Variants in SMYD1 observed in about 807,000 individuals in gnomAD.
SMYD1 encodes histone-lysine N-methyltransferase SMYD1.
SMYD1 carries 49 observed loss-of-function variants against 54.0 expected under a neutral mutation model. The observed-to-expected ratio is 0.91, with a 90% CI of 0.72 to 1.15. The LOEUF is 1.15. SMYD1 is among the 50% of genes most tolerant of loss of function. The probability of loss-of-function intolerance (pLI) is 0.00; values close to 1 mark genes in which losing one functional copy is unlikely to be tolerated. For missense variants in SMYD1, 653 were observed against 639.6 expected (o/e 1.02, Z -0.23); for synonymous variants, 269 against 234.2 (o/e 1.15, Z -1.36).
chr2:88,105,162 G>A (rs1346979383), intron 7 of SMYD1, among the ~76,000 whole-genome samples: 2 of 152,156 alleles, frequency 1.3e-5, no homozygotes, highest in Admixed American at 6.6e-5. Context: ...ACAGTGAGTG[G>A]AGAATCACAG....
At chr2:88,070,130 T>C (rs200283374) in intron 1 of SMYD1, among the ~76,000 whole-genome samples, 1 of 146,652 alleles carries the variant, frequency 6.8e-6, no homozygotes, top group Admixed American at 6.9e-5. Context: ...AGTTTTTTTT[T>C]CAAAAAATGC....
At position 88,110,365 on chromosome 2, in the gene SMYD1, G is replaced by A. The variant is rs1362526287; in HGVS notation, c.1326G>A (p.Val442=). 5.0e-6 allele frequency: 8 copies of A among 1,612,290 alleles called. No individual in the cohort carries two copies. The highest frequency in any genetic ancestry group is 1.1e-5 in the South Asian group (1 of 90,488). Residue 442 remains valine (V), a synonymous_variant, in exon 10 of 10, where the codon GTG becomes GTA. Transcript: ENST00000419482. ...PITKDLEAMR[V]QTEMELRMFR... is the part of the protein sequence containing the mutation. ...TCTGTGTCCCACAGGCCATGCGGGT[G>A]CAGACGGAGATGGAGCTACGCATGT...
intron 1 of SMYD1, among the ~76,000 whole-genome samples, chr2:88,074,424 A>G (rs1674014802): frequency 6.6e-6 from 1 of 152,196 alleles, no homozygotes; most frequent in Non-Finnish European, 1.5e-5. Flanking sequence ...CAATTACATT[A>G]GGCCCACCTA....
intron 5 of SMYD1, 120 bp downstream of exon 5, chr2:88,093,675 C>A: frequency 2.8e-6 from 3 of 1,053,704 alleles, no homozygotes; most frequent in Non-Finnish European, 4.4e-6. Context: ...CGTCCTTCTG[C>A]ATCCCAGTGT....
At chr2:88,093,665 C>A (rs535012109) in intron 5 of SMYD1, 110 bp downstream of exon 5, 2 of 1,181,300 alleles carry the variant, frequency 1.7e-6, no homozygotes, top group Non-Finnish European at 2.5e-6. Context: ...CTGTCCATAA[C>A]GTCCTTCTGC....
At chr2:88,085,046 G>A (rs767727213) in intron 2 of SMYD1, among the ~76,000 whole-genome samples, 5 of 151,930 alleles carry the variant, frequency 3.3e-5, no homozygotes, top group South Asian at 2.1e-4. Context: ...CACCATGCCC[G>A]GACAAGGGGC....
chr2:88,076,782 G>A (rs1381036677), intron 1 of SMYD1, among the ~76,000 whole-genome samples: 3 of 152,128 alleles, frequency 2.0e-5, no homozygotes, highest in Admixed American at 6.5e-5. Context: ...TGAGGCAGGC[G>A]GATCGCTTGA....
chr2:88,092,307 G>T (rs1158900129), intron 4 of SMYD1, among the ~76,000 whole-genome samples: 2 of 152,138 alleles, frequency 1.3e-5, no homozygotes, highest in Non-Finnish European at 2.9e-5. Context: ...TGGGGGTGGG[G>T]TACAAATGGA....
At chr2:88,084,286 C>T (rs1323172893) in intron 1 of SMYD1, 30 bp from the exon 2 acceptor site, 1 of 1,541,346 alleles carries the variant, frequency 6.5e-7, no homozygotes, top group Non-Finnish European at 8.9e-7. Flanking sequence ...ACTGTGCTCC[C>T]AATCATGTGT....
At chr2:88,093,704 T>C in intron 5 of SMYD1, 149 bp downstream of exon 5, 1 of 871,158 alleles carries the variant, frequency 1.1e-6, no homozygotes, top group Non-Finnish European at 1.9e-6. Flanking sequence ...TTTAATGCAT[T>C]TAAATTAACC....
In SMYD1 at chr2:88,106,403, C is replaced by G; in HGVS notation, c.1060C>G (p.Leu354Val). Residue 354 changes from leucine to valine, a missense_variant, in exon 8 of 10, where the codon CTG (leucine) becomes GTG (valine). Leu to Val is a conservative substitution (Grantham distance 32). Coordinates refer to ENST00000419482, the MANE Select transcript of SMYD1 (RefSeq NM_198274.4). Reference sequence around the variant, plus strand: ...CACCAACATCTACATGCTGCGGATGCTGAGCATTGTTTCGGAGGTCCTTTC... The same window carrying G: ...CACCAACATCTACATGCTGCGGATGGTGAGCATTGTTTCGGAGGTCCTTTC... The part of the protein sequence containing the change: ...ADTNIYMLRM[L>V]SIVSEVLSYL... 3 of 1,614,162 alleles carry G rather than the reference C, an allele frequency of 1.9e-6. No homozygotes were observed. Among genetic ancestry groups the G allele is most frequent in the Non-Finnish European group, 1.7e-6 (2 of 1,180,022 alleles).
At chr2:88,103,238 C>G in intron 7 of SMYD1, 88 bp downstream of exon 7, 425 of 603,194 alleles carry the variant, frequency 7.0e-4, no homozygotes, top group South Asian at 1.3e-3. Context: ...TGAGAACGGG[C>G]GGCGGGGGAG....
intron 1 of SMYD1, among the ~76,000 whole-genome samples, chr2:88,074,942 C>A (rs1235815469): frequency 2.0e-5 from 3 of 152,296 alleles, no homozygotes; most frequent in South Asian, 2.1e-4. Context: ...GGCAGACACA[C>A]AAACACACAT....
chr2:88,090,703 G>T lies in SMYD1; in HGVS notation c.529-309G>T, dbSNP rs113943320. Among the ~76,000 whole-genome samples the T allele has an allele frequency of 2.0e-5, 3 of 152,130 alleles. 1 individual carries two copies. The highest frequency in any genetic ancestry group is 6.5e-5 in the Admixed American group (1 of 15,270). ...GAGAAAAACCAAGACAGAGACTGAG[G>T]AATACTCATGTAAGACCCAGATACA... On this transcript the variant is annotated intron_variant, in intron 3 of 9. Transcript: ENST00000419482.
At chr2:88,080,170 C>T (rs968717056) in intron 1 of SMYD1, among the ~76,000 whole-genome samples, 3 of 152,098 alleles carry the variant, frequency 2.0e-5, no homozygotes, top group Non-Finnish European at 4.4e-5. Context: ...TGTGATACCA[C>T]ATATTCCCAC....
At chr2:88,071,855 G>A (rs1039095005) in intron 1 of SMYD1, among the ~76,000 whole-genome samples, 11 of 152,094 alleles carry the variant, frequency 7.2e-5, no homozygotes, top group Non-Finnish European at 1.5e-4. Context: ...TTCTCAGGGG[G>A]AAAGTGAGTG....
intron 2 of SMYD1, among the ~76,000 whole-genome samples, chr2:88,086,284 A>G (rs1268206580): frequency 6.6e-6 from 1 of 152,172 alleles, no homozygotes; most frequent in Non-Finnish European, 1.5e-5. Flanking sequence ...ATTAAAAAAA[A>G]TGAGGAGAGG....
chr2:88,102,878 A>G (rs2104010428), intron 6 of SMYD1, among the ~76,000 whole-genome samples, 180 bp from the exon 7 acceptor site: 1 of 152,342 alleles, frequency 6.6e-6, no homozygotes, highest in South Asian at 2.1e-4. Flanking sequence ...CAAGTCAGAA[A>G]TATGATGAGG....
chr2:88,108,725 C>T (rs941959625), intron 9 of SMYD1, among the ~76,000 whole-genome samples, 186 bp downstream of exon 9: 1 of 152,170 alleles, frequency 6.6e-6, no homozygotes, highest in Admixed American at 6.5e-5. Context: ...AAATGAATAC[C>T]TGAGACTGGG....
Sources: gnomAD v4.1 joint callset for allele counts (sites outside exome capture counted in the v4.1 genomes callset) on GRCh38, gnomAD v4.1.1 for gene constraint, MANE v1.5 for transcripts, NCBI Gene and HGNC (gene_info 2026-07-23, HGNC 2026-07-21) for gene names.